The following RGS20 variants were observed in gnomAD, a reference collection of about 807,000 sequenced individuals.
RGS20 encodes gz-selective GTPase-activating protein.
RGS20 carries 30 observed loss-of-function variants against 33.6 expected under a neutral mutation model. That is an observed-to-expected ratio of 0.89 (90% CI 0.67 to 1.21). The LOEUF (loss-of-function observed/expected upper bound fraction) is 1.21. Ranked by LOEUF, RGS20 falls within the 50% of genes most tolerant of loss-of-function variation. RGS20 has a pLI of 0.00. For missense variants in RGS20, 472 were observed against 502.4 expected (o/e 0.94, Z 0.58); for synonymous variants, 208 against 197.9 (o/e 1.05, Z -0.43).
chr8:53,910,421 GA>G (rs71254930), intron 2 of RGS20, among the ~76,000 whole-genome samples: 51,021 of 150,420 alleles, frequency 0.34, 9,398 homozygotes, highest in African/African-American at 0.5. Context: ...AAATCGCCAG[GA>G]AAAAAAAAAT....
chr8:53,879,411 C>A lies in RGS20; in HGVS notation c.319C>A (p.Leu107Met). 2 of 1,609,672 alleles carry A rather than the reference C, an allele frequency of 1.2e-6. No individual in the cohort carries two copies. The highest frequency in any genetic ancestry group is 1.7e-6 in the Non-Finnish European group (2 of 1,178,772). The change falls in exon 2 of 6, where the codon CTG (leucine) becomes ATG (methionine). Residue 107 changes from leucine (L) to methionine (M), a missense_variant. Transcript: ENST00000297313. ...CCGGAGGCGCCTGGACTTCTCCCCC[C>A]TGCTTCCCGCCCTGCCGGCCGCCCG...
chr8:53,939,434 A>G, intron 2 of RGS20, 142 bp from the exon 2 acceptor site: 1 of 839,844 alleles, frequency 1.2e-6, no homozygotes, highest in Non-Finnish European at 1.7e-6. Flanking sequence ...TCTAAGCACT[A>G]AATTTTACGA....
chr8:53,921,996 T>C (rs887358882), intron 2 of RGS20, among the ~76,000 whole-genome samples: 1 of 152,182 alleles, frequency 6.6e-6, no homozygotes, highest in Non-Finnish European at 1.5e-5. Flanking sequence ...GAGTGCTCTA[T>C]AGATGTCTGT....
intron 1 of RGS20, among the ~76,000 whole-genome samples, chr8:53,867,773 A>G (rs1241972752): frequency 6.6e-6 from 1 of 150,402 alleles, no homozygotes; most frequent in East Asian, 1.9e-4. Flanking sequence ...TCCGATCACC[A>G]GTGCAGTGGT....
chr8:53,861,969 G>A (rs761945964), intron 1 of RGS20, among the ~76,000 whole-genome samples: 22 of 152,226 alleles, frequency 1.4e-4, no homozygotes, highest in African/African-American at 5.3e-4. Context: ...CCAAGCTTTG[G>A]GGGGGCCAAC....
At chr8:53,904,945 G>A (rs772435903) in intron 2 of RGS20, among the ~76,000 whole-genome samples, 2 of 152,200 alleles carry the variant, frequency 1.3e-5, no homozygotes, top group Non-Finnish European at 2.9e-5. Flanking sequence ...AGTAATGGCA[G>A]AAGAGAAGAG....
intron 2 of RGS20, among the ~76,000 whole-genome samples, chr8:53,896,749 T>A (rs1031129207): frequency 8.5e-5 from 13 of 152,214 alleles, no homozygotes; most frequent in African/African-American, 3.1e-4. Flanking sequence ...CATTTTCATA[T>A]TAACAGGAAA....
chr8:53,899,775 TG>T (rs1248077323), intron 2 of RGS20, among the ~76,000 whole-genome samples: 1 of 152,214 alleles, frequency 6.6e-6, no homozygotes, highest in African/African-American at 2.4e-5. Context: ...AAAAACTTGG[TG>T]GTCATTTTGC....
chr8:53,879,995 C>G (rs1812313211), intron 2 of RGS20: 1 of 213,654 alleles, frequency 4.7e-6, no homozygotes, highest in Admixed American at 5.8e-5. Context: ...CCTGCCCTCT[C>G]GGCAGGCAAG....
chr8:53,916,082 G>T (rs772862464), intron 2 of RGS20, among the ~76,000 whole-genome samples: 1 of 152,162 alleles, frequency 6.6e-6, no homozygotes, highest in Non-Finnish European at 1.5e-5. Context: ...AACTGCGGTG[G>T]TATGACCACA....
Position 53,939,635 on chromosome 8 carries a change from A to G in RGS20, c.570A>G (p.Thr190=). ...GGCAGATGCCCGCCGCCCAGGACAC[A>G]CCAGGCGCCGCCCCAGGCCAGCCCG... The change falls in exon 3 of 6, where the codon ACA becomes ACG. Residue 190 remains threonine, a synonymous_variant. Transcript: ENST00000297313. 1.2e-6 allele frequency: 2 copies of G among 1,603,022 alleles called. No individual in the cohort carries two copies. The highest frequency in any genetic ancestry group is 1.1e-5 in the South Asian group (1 of 88,728).
At chr8:53,855,363 C>A (rs527582344) in intron 1 of RGS20, among the ~76,000 whole-genome samples, 1 of 152,064 alleles carries the variant, frequency 6.6e-6, no homozygotes, top group East Asian at 1.9e-4. Flanking sequence ...CCATGCCCAG[C>A]CTATATAAGC....
rs1049589502 is a variant in RGS20 at position 53,868,804 on chromosome 8, G to A, written c.166-10454G>A. Among the ~76,000 whole-genome samples the A allele has an allele frequency of 7.9e-5, 12 of 151,842 alleles. 1 individual carries two copies. Among genetic ancestry groups the A allele is most frequent in the African/African-American group, 2.7e-4 (11 of 41,396 alleles). ...GTCTCCCTCTGTTACCCATGTTGAA[G>A]TGCAGTGGGGCGATCTCAACTCACT... On this transcript the variant is annotated intron_variant, in intron 1 of 5. Coordinates refer to ENST00000297313, the MANE Select transcript of RGS20 (RefSeq NM_170587.4).
At chr8:53,916,342 A>G (rs1293680939) in intron 2 of RGS20, among the ~76,000 whole-genome samples, 1 of 151,984 alleles carries the variant, frequency 6.6e-6, no homozygotes, top group East Asian at 1.9e-4. Context: ...TTTTGCAGAC[A>G]GTACTTAATT....
intron 2 of RGS20, among the ~76,000 whole-genome samples, chr8:53,892,532 G>A (rs999209181): frequency 2.0e-5 from 3 of 152,160 alleles, no homozygotes; most frequent in African/African-American, 7.2e-5. Flanking sequence ...AACTCTTTAT[G>A]CTTCAGATTG....
intron 2 of RGS20, among the ~76,000 whole-genome samples, chr8:53,900,339 AC>A (rs1289608223): frequency 6.6e-6 from 1 of 151,978 alleles, no homozygotes; most frequent in African/African-American, 2.4e-5. Flanking sequence ...ACGGGGTCTC[AC>A]TATGTTGCCC....
chr8:53,930,697 C>T (rs1439133249), intron 2 of RGS20, among the ~76,000 whole-genome samples: 1 of 152,060 alleles, frequency 6.6e-6, no homozygotes, highest in Admixed American at 6.6e-5. Context: ...AAGTGTGTGC[C>T]ACCACACTCA....
chr8:53,948,594 C>T (rs28972206), intron 4 of RGS20, among the ~76,000 whole-genome samples: 4,560 of 34,740 alleles, frequency 0.13, 522 homozygotes, highest in East Asian at 0.25. Context: ...TGATACAGTA[C>T]ATATTTACAT....
chr8:53,930,782 C>T (rs1207427953), intron 2 of RGS20, among the ~76,000 whole-genome samples: 1 of 152,150 alleles, frequency 6.6e-6, no homozygotes, highest in African/African-American at 2.4e-5. Flanking sequence ...CTCCTGACCT[C>T]AAGTGATCTG....
Sources: gnomAD v4.1 joint callset for allele counts (sites outside exome capture counted in the v4.1 genomes callset) on GRCh38, gnomAD v4.1.1 for gene constraint, MANE v1.5 for transcripts, NCBI Gene and HGNC (gene_info 2026-07-23, HGNC 2026-07-21) for gene names.